PI4K2A: variants seen among roughly 807,000 people sequenced by gnomAD.
PI4K2A encodes phosphatidylinositol 4-kinase type 2 alpha, also known as phosphatidylinositol 4-kinase type 2-alpha.
Under a neutral mutation model 55.0 loss-of-function variants are expected in PI4K2A, and 20 were observed. The observed-to-expected ratio is 0.36, with a 90% CI of 0.26 to 0.53. The LOEUF (loss-of-function observed/expected upper bound fraction) is 0.53, where lower values mean the gene tolerates loss of function less well. PI4K2A is among the 20% of genes least tolerant of loss of function. The pLI, the probability that PI4K2A is intolerant of heterozygous loss-of-function variation, is 0.91. For missense variants in PI4K2A, 463 were observed against 637.1 expected (o/e 0.73, Z 2.94); for synonymous variants, 235 against 258.5 (o/e 0.91, Z 0.87).
chr10:97,666,797 A>G (rs1490132587), intron 7 of PI4K2A, among the ~76,000 whole-genome samples: 3 of 152,174 alleles, frequency 2.0e-5, no homozygotes, highest in Non-Finnish European at 4.4e-5. Flanking sequence ...TCTCCTGTCC[A>G]TCATGTGGCT....
Position 97,655,937 on chromosome 10 carries a change from C to T in PI4K2A, c.637-348C>T, listed in dbSNP as rs559142435. 1.7e-3 allele frequency among the ~76,000 whole-genome samples: 252 copies of T among 152,298 alleles called. 1 individual carries two copies. Among genetic ancestry groups the T allele is most frequent in the African/African-American group, 5.6e-3 (232 of 41,578 alleles). On this transcript the variant is annotated intron_variant, in intron 2 of 8. Coordinates refer to ENST00000370631, the Ensembl canonical transcript of PI4K2A. ...AGATAGGCAGCTCTCCTAGATACCA[C>T]ATCACTCATGTAGTTACAAGGTATC...
intron 1 of PI4K2A, among the ~76,000 whole-genome samples, chr10:97,641,387 C>T (rs1472518413): frequency 6.6e-6 from 1 of 151,938 alleles, no homozygotes; most frequent in Non-Finnish European, 1.5e-5. Context: ...GAGGAGTGAG[C>T]GGAAAATGAA....
chr10:97,661,744 A>T (rs1425667870), intron 4 of PI4K2A, among the ~76,000 whole-genome samples: 1 of 151,564 alleles, frequency 6.6e-6, no homozygotes, highest in African/African-American at 2.4e-5. Flanking sequence ...AAGAAACTGG[A>T]TATTTGCCCT....
chr10:97,667,765 A>G (rs1369964785), intron 8 of PI4K2A, among the ~76,000 whole-genome samples: 1 of 152,212 alleles, frequency 6.6e-6, no homozygotes, highest in East Asian at 1.9e-4. Flanking sequence ...CTGGAGCCAG[A>G]CTGCTTCACT....
At chr10:97,654,056 C>G (rs1341422434) in intron 2 of PI4K2A, among the ~76,000 whole-genome samples, 1 of 152,248 alleles carries the variant, frequency 6.6e-6, no homozygotes, top group Non-Finnish European at 1.5e-5. Flanking sequence ...TCCAGTTGAT[C>G]AGAGCATCTG....
At chr10:97,649,804 A>G (rs1186338356) in intron 1 of PI4K2A, among the ~76,000 whole-genome samples, 1 of 151,482 alleles carries the variant, frequency 6.6e-6, no homozygotes, top group African/African-American at 2.4e-5. Context: ...TTGTATTTTT[A>G]GTAGAGACAG....
chr10:97,671,499 G>T (rs1276778619), intron 8 of PI4K2A, among the ~76,000 whole-genome samples: 1 of 151,922 alleles, frequency 6.6e-6, no homozygotes, highest in Non-Finnish European at 1.5e-5. Context: ...TGCTATATAG[G>T]AACTCTTTGT....
At chr10:97,673,894 C>T (rs1407500878) in exon 9 of PI4K2A, 2 of 654,570 alleles carry the variant, frequency 3.1e-6, no homozygotes, top group Non-Finnish European at 5.2e-6. Context: ...TTTCCACCCA[C>T]AGGGAGAAGC....
Position 97,650,933 on chromosome 10 carries a change from C to T in PI4K2A, c.436-8C>T, listed in dbSNP as rs1316168783. ...ATTTAACATCCTCTTTTTCTTTGGTCTCTGTAGAGGATCATTGCTGTCTTC... is the reference window on the plus strand; with the variant it reads ...ATTTAACATCCTCTTTTTCTTTGGTTTCTGTAGAGGATCATTGCTGTCTTC... On this transcript the variant is annotated splice_region_variant and splice_polypyrimidine_tract_variant and intron_variant, in intron 1 of 8. Transcript: ENST00000370631. The T allele has an allele frequency of 6.2e-7, 1 of 1,601,702 alleles. No individual in the cohort carries two copies. Among genetic ancestry groups the T allele is most frequent in the Non-Finnish European group, 8.5e-7 (1 of 1,170,586 alleles).
chr10:97,657,028 G>C, intron 4 of PI4K2A, 54 bp downstream of exon 4: 2 of 1,575,684 alleles, frequency 1.3e-6, no homozygotes, highest in Admixed American at 1.7e-5. Context: ...TGAGGCATGG[G>C]GAGGCCTGGA....
exon 1 of PI4K2A, chr10:97,640,941 G>C (rs2041464460): frequency 7.2e-7 from 1 of 1,391,934 alleles, no homozygotes; most frequent in Non-Finnish European, 9.2e-7. Context: ...TCGGGCCCGG[G>C]GCGCGGCGGC....
intron 5 of PI4K2A, among the ~76,000 whole-genome samples, chr10:97,663,467 G>A (rs2041595974): frequency 6.6e-6 from 1 of 151,732 alleles, no homozygotes; most frequent in Non-Finnish European, 1.5e-5. Flanking sequence ...TTAGCAGAAG[G>A]CTGCCTAGGG....
At chr10:97,665,791 G>A (rs897837562) in intron 6 of PI4K2A, among the ~76,000 whole-genome samples, 7 of 151,216 alleles carry the variant, frequency 4.6e-5, no homozygotes, top group African/African-American at 1.7e-4. Flanking sequence ...CAGGGTTTCA[G>A]TGTGTTAGCC....
chr10:97,651,230 C>T (rs1252203726), intron 2 of PI4K2A, 89 bp downstream of exon 2: 2 of 928,948 alleles, frequency 2.2e-6, no homozygotes, highest in African/African-American at 3.3e-5. Context: ...GACCTTGGGT[C>T]CAGTGGGGTC....
At position 97,659,832 on chromosome 10, in the gene PI4K2A, C is replaced by T. The variant is rs77739796; in HGVS notation, c.922+2858C>T. On this transcript the variant is annotated intron_variant, in intron 4 of 8. Coordinates refer to ENST00000370631, the Ensembl canonical transcript of PI4K2A. ...TGCAGGCCCTCCATAGACTCCAGAG[C>T]TCCAAAATAATTACATCAGACAGAT... Among the ~76,000 whole-genome samples, 46 of 152,106 alleles carry T rather than the reference C, an allele frequency of 3.0e-4. No individual in the cohort carries two copies. The East Asian group carries it at 8.1e-3, about 27-fold the overall frequency.
chr10:97,652,211 G>A (rs1448519556), intron 2 of PI4K2A, among the ~76,000 whole-genome samples: 1 of 152,016 alleles, frequency 6.6e-6, no homozygotes, highest in Non-Finnish European at 1.5e-5. Context: ...TAATTTTAGG[G>A]CAATGGTTCA....
chr10:97,662,497 G>T (rs1161092326), intron 4 of PI4K2A, among the ~76,000 whole-genome samples: 2 of 152,188 alleles, frequency 1.3e-5, no homozygotes, highest in African/African-American at 4.8e-5. Flanking sequence ...TAGTGCTTCA[G>T]GTCGTAACCC....
intron 4 of PI4K2A, among the ~76,000 whole-genome samples, chr10:97,660,779 A>G (rs1052091741): frequency 9.2e-5 from 14 of 151,714 alleles, no homozygotes; most frequent in African/African-American, 3.1e-4. Flanking sequence ...TCTCTGACCC[A>G]TAGTTTACTT....
At chr10:97,654,985 G>A (rs2041545656) in intron 2 of PI4K2A, among the ~76,000 whole-genome samples, 1 of 152,074 alleles carries the variant, frequency 6.6e-6, no homozygotes, top group Non-Finnish European at 1.5e-5. Flanking sequence ...GGATTACAGT[G>A]TATAGCCTAT....
Sources: gnomAD v4.1 joint callset for allele counts (sites outside exome capture counted in the v4.1 genomes callset) on GRCh38, gnomAD v4.1.1 for gene constraint, MANE v1.5 for transcripts, NCBI Gene and HGNC (gene_info 2026-07-23, HGNC 2026-07-21) for gene names.